PDZD2: variants seen among roughly 807,000 people sequenced by gnomAD.
PDZD2 encodes PDZ domain containing 2, also known as PDZ domain-containing protein 2.
PDZD2 carries 90 observed loss-of-function variants against 220.7 expected under a neutral mutation model. The ratio of observed to expected loss-of-function variants is 0.41; its 90% CI spans 0.34 to 0.49. The LOEUF is 0.49. PDZD2 is among the 20% of genes least tolerant of loss of function. The probability of loss-of-function intolerance (pLI) is 0.28; values close to 1 mark genes in which losing one functional copy is unlikely to be tolerated. For missense variants in PDZD2, 3,174 were observed against 3,608.5 expected (o/e 0.88, Z 3.08); for synonymous variants, 1,375 against 1,450.5 (o/e 0.95, Z 1.18).
intron 2 of PDZD2, among the ~76,000 whole-genome samples, chr5:31,910,700 T>G (rs2150367900): frequency 6.6e-6 from 1 of 151,934 alleles, no homozygotes; most frequent in East Asian, 1.9e-4. Context: ...CTTTTTTTTT[T>G]TGTATTTTTA....
At chr5:32,085,787 T>G (rs1301580408) in intron 19 of PDZD2, among the ~76,000 whole-genome samples, 1 of 152,000 alleles carries the variant, frequency 6.6e-6, no homozygotes, top group South Asian at 2.1e-4. Context: ...TTGTCTTTTG[T>G]TTTTTTTACA....
intron 2 of PDZD2, among the ~76,000 whole-genome samples, chr5:31,906,048 G>T (rs1423331011): frequency 6.9e-6 from 1 of 144,504 alleles, no homozygotes; most frequent in Admixed American, 7.0e-5. Flanking sequence ...TTGAGACAGA[G>T]TCTCGCTCTG....
intron 2 of PDZD2, among the ~76,000 whole-genome samples, chr5:31,965,440 A>T (rs1346209225): frequency 6.6e-6 from 1 of 152,102 alleles, no homozygotes; most frequent in Non-Finnish European, 1.5e-5. Flanking sequence ...ACACGGGGGG[A>T]TATGTTGCCA....
At chr5:31,946,174 T>TG (rs1380631714) in intron 2 of PDZD2, among the ~76,000 whole-genome samples, 2 of 152,182 alleles carry the variant, frequency 1.3e-5, no homozygotes, top group African/African-American at 4.8e-5. Context: ...GGTTAATTCT[T>TG]GCATTTTTAG....
intron 7 of PDZD2, among the ~76,000 whole-genome samples, chr5:32,044,578 T>C (rs1182261016): frequency 6.6e-6 from 1 of 152,146 alleles, no homozygotes; most frequent in African/African-American, 2.4e-5. Flanking sequence ...GGAAAAAAAT[T>C]AATTCAATAC....
At position 32,000,274 on chromosome 5, in the gene PDZD2, A is replaced by G. The variant is rs768753938; in HGVS notation, c.1254+3A>G. 3.1e-6 allele frequency: 5 copies of G among 1,614,066 alleles called. No homozygotes were observed. The highest frequency in any genetic ancestry group is 4.2e-6 in the Non-Finnish European group (5 of 1,179,988). ...TGCAGCTTGTGGTGGCCAGCAAGGTAGGTCGTGTTTGTTTTTTGGTACTCG... is the reference window on the plus strand; with the variant it reads ...TGCAGCTTGTGGTGGCCAGCAAGGTGGGTCGTGTTTGTTTTTTGGTACTCG... On this transcript the variant is annotated splice_donor_region_variant and intron_variant, in intron 5 of 24. Coordinates refer to ENST00000438447, the MANE Select transcript of PDZD2 (RefSeq NM_178140.4). This position sits in a 1 kb window ranked among gnomAD's most constrained non-coding sequence, Gnocchi z 4.5.
intron 1 of PDZD2, among the ~76,000 whole-genome samples, chr5:31,781,343 G>A (rs1245441466): frequency 1.3e-5 from 2 of 152,230 alleles, no homozygotes; most frequent in East Asian, 3.9e-4. Context: ...GAACCCAGGA[G>A]TTGGAGGTTG....
chr5:32,061,715 C>A (rs983363517), intron 14 of PDZD2, among the ~76,000 whole-genome samples: 3 of 152,022 alleles, frequency 2.0e-5, no homozygotes, highest in Admixed American at 2.0e-4. Context: ...AAGTTTGAAA[C>A]CAGCCTGGGC....
chr5:31,790,691 ATT>A (rs869296191), intron 1 of PDZD2, among the ~76,000 whole-genome samples: 8 of 75,512 alleles, frequency 1.1e-4, no homozygotes, highest in African/African-American at 3.0e-4. Flanking sequence ...TATCTCTCTA[ATT>A]TTTTTTTTTT....
At chr5:31,740,654 AG>A (rs1750202650) in intron 1 of PDZD2, among the ~76,000 whole-genome samples, 1 of 151,780 alleles carries the variant, frequency 6.6e-6, no homozygotes, top group Non-Finnish European at 1.5e-5. Context: ...GAGCTGTATA[AG>A]CTGAACCAAT....
Position 32,098,225 on chromosome 5 carries a change from C to T in PDZD2, c.7948-139C>T. On this transcript the variant is annotated intron_variant, in intron 22 of 24. Coordinates refer to ENST00000438447, the MANE Select transcript of PDZD2 (RefSeq NM_178140.4). The surrounding 1 kb of genome is among the most constrained non-coding windows in gnomAD (Gnocchi z 4.1). ...CCACTGTACTCCAGCCTGGGTGACA[C>T]AGCGAGACTCCCTCTCAAAAAATAA... is the stretch of plus-strand genomic sequence containing the variant. 3 of 829,256 alleles carry T rather than the reference C, an allele frequency of 3.6e-6. No individual in the cohort carries two copies. Among genetic ancestry groups the T allele is most frequent in the Non-Finnish European group, 5.6e-6 (3 of 539,988 alleles). 51.4% of individuals were successfully genotyped at this position (829,256 alleles called of 1,614,324 possible).
At chr5:32,085,386 C>G (rs1742346270) in intron 19 of PDZD2, among the ~76,000 whole-genome samples, 1 of 149,710 alleles carries the variant, frequency 6.7e-6, no homozygotes. Flanking sequence ...TGTATCATGT[C>G]TTTGTGGTAG....
In PDZD2 at chr5:31,983,291, C is replaced by G. The variant is rs570138303; in HGVS notation, c.613C>G (p.Leu205Val). The G allele has an allele frequency of 6.2e-7, 1 of 1,614,244 alleles. No individual in the cohort carries two copies. The highest frequency in any genetic ancestry group is 1.3e-5 in the African/African-American group (1 of 75,052). ...SEPGETPTLE[L>V]GDRTAKKGKR... The stretch of plus-strand genomic sequence containing the variant: ...ACCAGGAGAAACACCTACCTTGGAG[C>G]TGGGTGACCGAACTGCGAAAAAGGG... The change falls in exon 3 of 25, where the codon CTG (leucine) becomes GTG (valine). Residue 205 changes from leucine to valine, a missense_variant. By Grantham distance (32) the Leu-to-Val change is conservative. Transcript: ENST00000438447.
At chr5:32,084,337 A>G (rs1005755556) in intron 19 of PDZD2, among the ~76,000 whole-genome samples, 6 of 152,240 alleles carry the variant, frequency 3.9e-5, no homozygotes, top group African/African-American at 1.4e-4. Flanking sequence ...TGGCTCTGCC[A>G]CCTGTGAACT....
chr5:31,835,142 G>C (rs1756870339), intron 2 of PDZD2, among the ~76,000 whole-genome samples: 1 of 152,166 alleles, frequency 6.6e-6, no homozygotes, highest in Non-Finnish European at 1.5e-5. Flanking sequence ...GTTAGAGGAA[G>C]ACACTTCAAA....
chr5:31,697,998 G>T (rs1246534680), intron 1 of PDZD2, among the ~76,000 whole-genome samples: 3 of 151,582 alleles, frequency 2.0e-5, no homozygotes, highest in East Asian at 3.9e-4. Context: ...CATCTCCCAG[G>T]TTCAAGTGAT....
At chr5:31,689,355 T>TATATATATATA (rs1208262874) in intron 1 of PDZD2, among the ~76,000 whole-genome samples, 34 of 20,844 alleles carry the variant, frequency 1.6e-3, no homozygotes, top group South Asian at 0.014. Context: ...ATATATATAT[T>TATATATATATA]TTTTTTTTTT....
intron 2 of PDZD2, among the ~76,000 whole-genome samples, chr5:31,826,687 A>G: frequency 6.6e-6 from 1 of 152,152 alleles, no homozygotes; most frequent in Non-Finnish European, 1.5e-5. Context: ...AAAAAAAAAA[A>G]AAGATATATG....
At chr5:31,940,345 G>A (rs932399636) in intron 2 of PDZD2, among the ~76,000 whole-genome samples, 1 of 152,164 alleles carries the variant, frequency 6.6e-6, no homozygotes, top group African/African-American at 2.4e-5. Context: ...GTGCCTCACT[G>A]GATAGCCACA....
Sources: allele counts gnomAD v4.1 joint callset (sites outside exome capture counted in the v4.1 genomes callset), GRCh38; gene constraint gnomAD v4.1.1; non-coding constraint Gnocchi (gnomAD v3.1); transcripts MANE v1.5; gene names NCBI Gene and HGNC (gene_info 2026-07-23, HGNC 2026-07-21).